The following NDUFA12 variants were observed in gnomAD, a reference collection of about 807,000 sequenced individuals.
The protein encoded by NDUFA12 is NADH dehydrogenase [ubiquinone] 1 alpha subcomplex subunit 12.
A neutral mutation model predicts 20.3 loss-of-function variants in NDUFA12; 17 were observed. That is an observed-to-expected ratio of 0.84 (90% CI 0.57 to 1.26). The LOEUF is 1.26. NDUFA12 is among the 50% of genes most tolerant of loss of function. The pLI is 0.00. For missense variants in NDUFA12, 191 were observed against 183.7 expected (o/e 1.04, Z -0.23); for synonymous variants, 72 against 63.6 (o/e 1.13, Z -0.63).
chr12:94,985,114 G>C (rs1402966507), intron 3 of NDUFA12, among the ~76,000 whole-genome samples: 2 of 151,576 alleles, frequency 1.3e-5, no homozygotes, highest in Admixed American at 1.3e-4. Flanking sequence ...TTTGAGGCCA[G>C]GAGTTACAGA....
At chr12:94,996,557 C>T (rs1309345988) in intron 2 of NDUFA12, among the ~76,000 whole-genome samples, 5 of 152,016 alleles carry the variant, frequency 3.3e-5, no homozygotes, top group African/African-American at 2.4e-5. Context: ...CAGTGGCTCA[C>T]ACCTGTAATC....
intron 3 of NDUFA12, among the ~76,000 whole-genome samples, chr12:94,980,450 C>T (rs1592699399): frequency 1.3e-5 from 2 of 152,172 alleles, no homozygotes; most frequent in East Asian, 3.9e-4. Context: ...GCTTCTAGAA[C>T]ACATCACGCC....
intron 3 of NDUFA12, among the ~76,000 whole-genome samples, chr12:94,977,482 A>C (rs7298432): frequency 0.13 from 18,810 of 143,688 alleles, 1,916 homozygotes; most frequent in African/African-American, 0.29. Flanking sequence ...AAAAAAAAAA[A>C]CACCCCTCCG....
At chr12:94,986,573 A>G (rs1384066252) in intron 3 of NDUFA12, among the ~76,000 whole-genome samples, 1 of 152,126 alleles carries the variant, frequency 6.6e-6, no homozygotes, top group Non-Finnish European at 1.5e-5. Flanking sequence ...ATATACAATT[A>G]TTATTTGTCA....
At chr12:94,996,326 C>T (rs11107855) in intron 2 of NDUFA12, among the ~76,000 whole-genome samples, 307 of 29,424 alleles carry the variant, frequency 0.01, 1 homozygote, top group African/African-American at 0.064. Context: ...TATATAGGTA[C>T]ACACACACAC....
At chr12:94,973,766 A>G (rs1267484539) in intron 3 of NDUFA12, among the ~76,000 whole-genome samples, 1 of 152,194 alleles carries the variant, frequency 6.6e-6, no homozygotes, top group East Asian at 1.9e-4. Context: ...GCAAGCCTAC[A>G]TGCAAGAATC....
At chr12:94,972,321 T>G in intron 3 of NDUFA12, 2 of 281,694 alleles carry the variant, frequency 7.1e-6, no homozygotes, top group South Asian at 6.3e-5. Flanking sequence ...ACCAAATAAA[T>G]TATGGCCACT....
At chr12:94,985,184 G>A (rs1874384152) in intron 3 of NDUFA12, among the ~76,000 whole-genome samples, 1 of 151,934 alleles carries the variant, frequency 6.6e-6, no homozygotes, top group Admixed American at 6.6e-5. Context: ...AATTAGTCGG[G>A]CATGGTGGCA....
chr12:94,976,104 G>A (rs1204084853), intron 3 of NDUFA12, among the ~76,000 whole-genome samples: 3 of 152,028 alleles, frequency 2.0e-5, no homozygotes, highest in Non-Finnish European at 4.4e-5. Context: ...TTTTAAAAGC[G>A]GGTTATTTGC....
intron 2 of NDUFA12, among the ~76,000 whole-genome samples, chr12:94,998,453 T>C (rs982801816): frequency 2.6e-5 from 4 of 152,150 alleles, no homozygotes; most frequent in African/African-American, 9.7e-5. Flanking sequence ...CCACTTCTAT[T>C]CAACACAGTA....
At chr12:94,984,115 T>G (rs953435899) in intron 3 of NDUFA12, among the ~76,000 whole-genome samples, 1 of 152,008 alleles carries the variant, frequency 6.6e-6, no homozygotes, top group Non-Finnish European at 1.5e-5. Flanking sequence ...CAAATAACTA[T>G]ATTAAGAAGA....
rs767818891 is a variant in NDUFA12, at chr12:94,971,453, G to A, written c.425C>T (p.Thr142Ile). The change falls in exon 4 of 4, where the codon ACA becomes ATA. Residue 142 changes from threonine (T) to isoleucine (I), a missense_variant. By Grantham distance (89) the Thr-to-Ile change is moderately conservative. Transcript: ENST00000327772. ...TCTTCATTGTCTTTACTTGTAAGGT[G>A]TTGAAGGTGGGATCCACTCCTGAAT... The part of the protein sequence containing the change: ...KKIQEWIPPS[T>I]PYK 2.5e-6 allele frequency: 4 copies of A among 1,614,046 alleles called. No individual in the cohort carries two copies. The African/African-American group carries it at 4.0e-5, about 16-fold the overall frequency.
chr12:94,984,850 C>T (rs1041637538), intron 3 of NDUFA12, among the ~76,000 whole-genome samples: 1 of 150,800 alleles, frequency 6.6e-6, no homozygotes, highest in Non-Finnish European at 1.5e-5. Flanking sequence ...TGGCAGCGCA[C>T]GCCTGTAATC....
At position 94,971,518 on chromosome 12, in the gene NDUFA12, G is replaced by A. The variant is rs1282375565; in HGVS notation, c.360C>T (p.Thr120=). ...WTNHKFNVTG[T]PEQYVPYSTT... is the part of the protein sequence containing the mutation. ...TAGAATAAGGTACATATTGTTCTGG[G>A]GTGCCAGTCACGTTGAATTTATGGT... The change falls in exon 4 of 4, where the codon ACC becomes ACT. Residue 120 remains threonine, a synonymous_variant. Coordinates refer to ENST00000327772, the MANE Select transcript of NDUFA12 (RefSeq NM_018838.5). The A allele has an allele frequency of 1.9e-6, 3 of 1,613,954 alleles. No homozygotes were observed. Among genetic ancestry groups the A allele is most frequent in the East Asian group, 4.5e-5 (2 of 44,890 alleles).
chr12:95,003,611 G>A lies in NDUFA12; in HGVS notation c.70C>T (p.Leu24=). 2 of 1,614,188 alleles carry A rather than the reference G, an allele frequency of 1.2e-6. No individual in the cohort carries two copies. Among genetic ancestry groups the A allele is most frequent in the Non-Finnish European group, 1.7e-6 (2 of 1,180,026 alleles). ...GCCGCCTACCTGAAAAAAACCCGTA[G>A]ATAGCCTCGGAGACCGCCGTGGCCG... The part of the protein sequence containing the change: ...ITGHGGLRGY[L]RVFFRTNDAK... The change falls in exon 1 of 4, where the codon CTA becomes TTA. Residue 24 remains leucine, a synonymous_variant. Transcript: ENST00000327772.
Position 94,983,800 on chromosome 12 carries a change from C to A in NDUFA12, c.257+10370G>T, listed in dbSNP as rs548000619. On this transcript the variant is annotated intron_variant, in intron 3 of 3. Coordinates refer to ENST00000327772, the MANE Select transcript of NDUFA12 (RefSeq NM_018838.5). ...AGTGAGTAGCCTGCTTCCACACTTGCCTTGCCTCCTTCCTTTATTCTTCAC... is the reference window on the plus strand; with the variant it reads ...AGTGAGTAGCCTGCTTCCACACTTGACTTGCCTCCTTCCTTTATTCTTCAC... Among the ~76,000 whole-genome samples the A allele has an allele frequency of 2.4e-4, 37 of 152,178 alleles. No individual in the cohort carries two copies. The East Asian group carries it at 3.7e-3, about 15-fold the overall frequency.
chr12:95,001,268 T>G lies in NDUFA12; in HGVS notation c.169+1471A>C, dbSNP rs538426676. Among the ~76,000 whole-genome samples, 145 of 148,062 alleles carry G rather than the reference T, an allele frequency of 9.8e-4. 2 individuals are homozygous for G. The highest frequency in any genetic ancestry group is 3.4e-3 in the African/African-American group (139 of 40,812). ...CTGCAGGGAGTCAAGATCACACCACTGCCTCCAGCCTAGGCGACAGTGAGA... is the reference window on the plus strand; with the variant it reads ...CTGCAGGGAGTCAAGATCACACCACGGCCTCCAGCCTAGGCGACAGTGAGA... On this transcript the variant is annotated intron_variant, in intron 2 of 3. Transcript: ENST00000327772.
chr12:94,971,895 C>A, intron 3 of NDUFA12: 1 of 606,604 alleles, frequency 1.6e-6, no homozygotes. Context: ...CTACCGTTCT[C>A]ATTACTGTAT....
chr12:95,001,947 CCCGCCT>C (rs1875051337), intron 2 of NDUFA12, among the ~76,000 whole-genome samples: 1 of 152,000 alleles, frequency 6.6e-6, no homozygotes, highest in Non-Finnish European at 1.5e-5. Context: ...TCGTGATCCG[CCCGCCT>C]CCGCCTCCCA....
Sources: allele counts gnomAD v4.1 joint callset (sites outside exome capture counted in the v4.1 genomes callset), GRCh38; gene constraint gnomAD v4.1.1; transcripts MANE v1.5; gene names NCBI Gene and HGNC (gene_info 2026-07-23, HGNC 2026-07-21).